Variants in COG3 observed in about 807,000 individuals in gnomAD.
COG3 encodes conserved oligomeric Golgi complex subunit 3.
COG3 carries 32 observed loss-of-function variants against 114.1 expected under a neutral mutation model. The observed-to-expected ratio is 0.28, with a 90% CI of 0.21 to 0.38. The LOEUF is 0.38. Ranked by LOEUF, COG3 falls within the 10% of genes least tolerant of loss-of-function variation. The pLI is 1.00. For synonymous variants in COG3, 352 were observed against 365.7 expected, an observed-to-expected ratio of 0.96 and a Z score of 0.43; for missense variants, 813 against 973.2, an observed-to-expected ratio of 0.84 and a Z score of 2.19.
chr13:45,496,258 C>T lies in COG3; in HGVS notation c.1434C>T (p.Gly478=), dbSNP rs775482286. ...TCTATATTCAGACGGACATCACGGGCTATAAACCAGCTCCTGGAGATCTGG... is the reference window on the plus strand; with the variant it reads ...TCTATATTCAGACGGACATCACGGGTTATAAACCAGCTCCTGGAGATCTGG... ...THIYIQTDIT[G]YKPAPGDLAY... The change falls in exon 13 of 23, where the codon GGC becomes GGT. Residue 478 remains glycine, a synonymous_variant. Transcript: ENST00000349995. The T allele has an allele frequency of 6.2e-7, 1 of 1,611,000 alleles. No individual in the cohort carries two copies. The highest frequency in any genetic ancestry group is 8.5e-7 in the Non-Finnish European group (1 of 1,178,216).
chr13:45,469,743 G>A (rs1304392878), intron 1 of COG3, among the ~76,000 whole-genome samples: 3 of 151,908 alleles, frequency 2.0e-5, no homozygotes, highest in Admixed American at 1.3e-4. Context: ...AACTGAAAAT[G>A]GTTAAACTGG....
chr13:45,469,735 C>A (rs1053723407), intron 1 of COG3, among the ~76,000 whole-genome samples: 2 of 151,760 alleles, frequency 1.3e-5, no homozygotes, highest in Non-Finnish European at 2.9e-5. Context: ...TAAAAGAAAA[C>A]TGAAAATGGT....
At position 45,535,691 on chromosome 13, in the gene COG3, T is replaced by G; in HGVS notation, c.*960T>G. ...GTGCTGTGGACCAGCTGTGTGGATCTCTAGCCCAGCTACAGCAGAATACAT... is the reference window on the plus strand; with the variant it reads ...GTGCTGTGGACCAGCTGTGTGGATCGCTAGCCCAGCTACAGCAGAATACAT... On this transcript the variant is annotated 3_prime_UTR_variant, in exon 23 of 23. Transcript: ENST00000349995. The G allele has an allele frequency of 1.0e-6, 1 of 985,760 alleles. No individual in the cohort carries two copies. The highest frequency in any genetic ancestry group is 1.2e-6 in the Non-Finnish European group (1 of 830,104). 61.1% of individuals were successfully genotyped at this position (985,760 alleles called of 1,614,324 possible).
In COG3 at chr13:45,535,580, G is replaced by A. The variant is rs888935100; in HGVS notation, c.*849G>A. On this transcript the variant is annotated 3_prime_UTR_variant, in exon 23 of 23. Coordinates refer to ENST00000349995, the MANE Select transcript of COG3 (RefSeq NM_031431.4). ...TCCTGAATGAAGGTTCAGGTCACCA[G>A]CCTTCTGTACACTGCCTTTGGTTTT... The A allele has an allele frequency of 1.5e-5, 15 of 985,668 alleles. 1 individual carries two copies. In the African/African-American group the frequency reaches 1.9e-4, roughly 13 times the overall value. The allele number at this position is 985,668 out of a possible 1,614,324, so 61.1% of individuals were successfully genotyped here.
chr13:45,529,417 AACTC>A lies in COG3; in HGVS notation c.2231-372_2231-369del, dbSNP rs1241036880. ...TGTGAGTCATTTCTGCAAATGAACA[AACTC>A]ATTCATTATGAAGTAATTCTTACTA... On this transcript the variant is annotated intron_variant, in intron 20 of 22. Transcript: ENST00000349995. Among the ~76,000 whole-genome samples the A allele has an allele frequency of 2.6e-5, 4 of 152,252 alleles. No homozygotes were observed. In the East Asian group the frequency reaches 7.7e-4, roughly 29 times the overall value.
At chr13:45,465,520 A>G (rs1409582923) in intron 1 of COG3, 1 of 281,458 alleles carries the variant, frequency 3.6e-6, no homozygotes, top group African/African-American at 2.2e-5. Flanking sequence ...GTTTTGCCCC[A>G]GACGAGGCGT....
intron 12 of COG3, among the ~76,000 whole-genome samples, chr13:45,494,864 CTTT>C (rs56330728): frequency 1.5e-5 from 2 of 131,782 alleles, no homozygotes. Flanking sequence ...TTTCTCTTTT[CTTT>C]TTTTTTTTTT....
chr13:45,506,752 TC>T (rs1326024051), intron 14 of COG3, among the ~76,000 whole-genome samples: 1 of 152,206 alleles, frequency 6.6e-6, no homozygotes, highest in African/African-American at 2.4e-5. Context: ...TAATCACTTT[TC>T]CTGGTTTCCC....
intron 1 of COG3, among the ~76,000 whole-genome samples, chr13:45,474,669 ACT>A (rs1463911982): frequency 4.0e-5 from 6 of 151,544 alleles, no homozygotes; most frequent in East Asian, 1.9e-4. Context: ...TACACAAAAA[ACT>A]CTATTTTTAA....
intron 9 of COG3, 132 bp downstream of exon 9, chr13:45,491,090 G>A (rs1315469825): frequency 9.4e-6 from 6 of 640,200 alleles, no homozygotes; most frequent in East Asian, 5.7e-5. Context: ...CACTTATTTT[G>A]GGGAGCAAGG....
At chr13:45,473,358 G>A (rs1400422629) in intron 1 of COG3, among the ~76,000 whole-genome samples, 1 of 152,054 alleles carries the variant, frequency 6.6e-6, no homozygotes, top group Non-Finnish European at 1.5e-5. Context: ...TTGTTATTGT[G>A]AGGGTACAAG....
chr13:45,468,538 T>C (rs1885285640), intron 1 of COG3, among the ~76,000 whole-genome samples: 1 of 152,010 alleles, frequency 6.6e-6, no homozygotes, highest in Admixed American at 6.6e-5. Flanking sequence ...GAACAAAACA[T>C]CAGGTTTCAT....
rs946168433 is a variant in COG3, at chr13:45,524,971, A to G, written c.2155-5A>G. On this transcript the variant is annotated splice_polypyrimidine_tract_variant and splice_region_variant and intron_variant, in intron 19 of 22. Transcript: ENST00000349995. ...AACTTTTTTTCTTTTTGTCTCCTCT[A>G]TTAGGTTTCAGCGTTAAAAACAATG... is the stretch of plus-strand genomic sequence containing the variant. The G allele has an allele frequency of 7.4e-6, 12 of 1,612,516 alleles. No individual in the cohort carries two copies. The highest frequency in any genetic ancestry group is 1.7e-5 in the Admixed American group (1 of 59,880).
intron 8 of COG3, among the ~76,000 whole-genome samples, chr13:45,490,637 A>G (rs920360243): frequency 1.3e-5 from 2 of 152,114 alleles, no homozygotes; most frequent in African/African-American, 4.8e-5. Context: ...TGTTTATGAA[A>G]TAATGTTAAT....
intron 8 of COG3, among the ~76,000 whole-genome samples, chr13:45,488,422 A>T (rs1886804207): frequency 6.6e-6 from 1 of 152,186 alleles, no homozygotes; most frequent in African/African-American, 2.4e-5. Flanking sequence ...GGTGGTGGAT[A>T]CTCTAAACAC....
intron 7 of COG3, 95 bp from the exon 8 acceptor site, chr13:45,486,400 C>G (rs1886673347): frequency 2.6e-6 from 2 of 757,314 alleles, no homozygotes; most frequent in Admixed American, 1.8e-5. Flanking sequence ...GTATGCAGGC[C>G]AAGCAGTAGC....
At chr13:45,481,438 A>G (rs948782757) in intron 5 of COG3, 134 bp downstream of exon 5, 8 of 602,258 alleles carry the variant, frequency 1.3e-5, no homozygotes, top group South Asian at 6.0e-5. Flanking sequence ...AGATATTCCT[A>G]TTTGTAGACA....
chr13:45,487,145 AGAAC>A (rs879828942), intron 8 of COG3, among the ~76,000 whole-genome samples: 17 of 152,226 alleles, frequency 1.1e-4, no homozygotes, highest in Admixed American at 2.6e-4. Flanking sequence ...AAAAGCACCA[AGAAC>A]ATTTTGTGGG....
chr13:45,515,420 G>A (rs565787416), intron 16 of COG3, among the ~76,000 whole-genome samples: 2 of 152,188 alleles, frequency 1.3e-5, no homozygotes, highest in Admixed American at 6.5e-5. Context: ...TCTGCCTTGA[G>A]TAACAGCAAG....
Sources: gnomAD v4.1 joint callset for allele counts (sites outside exome capture counted in the v4.1 genomes callset) on GRCh38, gnomAD v4.1.1 for gene constraint, MANE v1.5 for transcripts, NCBI Gene and HGNC (gene_info 2026-07-23, HGNC 2026-07-21) for gene names.